CHPT1: variants seen among roughly 807,000 people sequenced by gnomAD.
CHPT1 encodes the protein choline phosphotransferase 1, also known as cholinephosphotransferase 1.
CHPT1 carries 36 observed loss-of-function variants against 47.6 expected under a neutral mutation model. The ratio of observed to expected loss-of-function variants is 0.76; its 90% CI spans 0.58 to 1.00. The LOEUF is 1.00. Among genes scored for constraint, CHPT1 ranks in the 50% least tolerant of loss-of-function variants. The probability of loss-of-function intolerance (pLI) is 0.00; values close to 1 mark genes in which losing one functional copy is unlikely to be tolerated. For missense variants in CHPT1, 458 were observed against 498.1 expected (o/e 0.92, Z 0.77); for synonymous variants, 194 against 186.3 (o/e 1.04, Z -0.33).
intron 7 of CHPT1, among the ~76,000 whole-genome samples, chr12:101,724,590 A>G (rs535182291): frequency 1.4e-4 from 22 of 152,342 alleles, no homozygotes; most frequent in African/African-American, 5.3e-4. Context: ...AGACAGTGCT[A>G]CTAAATACAG....
At chr12:101,703,221 G>A (rs1044095451) in intron 1 of CHPT1, among the ~76,000 whole-genome samples, 4 of 152,176 alleles carry the variant, frequency 2.6e-5, no homozygotes, top group South Asian at 2.1e-4. Context: ...TACAGTTGAT[G>A]TGGATGATAG....
intron 1 of CHPT1, among the ~76,000 whole-genome samples, chr12:101,700,818 G>A (rs573161432): frequency 6.6e-6 from 1 of 152,202 alleles, no homozygotes; most frequent in East Asian, 1.9e-4. Context: ...AGTAGTATAT[G>A]TTTTCATAAG....
At chr12:101,712,048 G>C (rs1271061977) in intron 1 of CHPT1, among the ~76,000 whole-genome samples, 1 of 148,376 alleles carries the variant, frequency 6.7e-6, no homozygotes, top group African/African-American at 2.4e-5. Flanking sequence ...TTCAAGACAG[G>C]GTCTCGCTCT....
In CHPT1 at chr12:101,697,958, C is replaced by G; in HGVS notation, c.97C>G (p.Arg33Gly). 1 of 1,552,740 alleles carries G rather than the reference C, an allele frequency of 6.4e-7. No homozygotes were observed. Among genetic ancestry groups the G allele is most frequent in the Non-Finnish European group, 8.6e-7 (1 of 1,160,024 alleles). The change falls in exon 1 of 9, where the codon CGC becomes GGC. Residue 33 changes from arginine (R) to glycine (G), a missense_variant. Arg to Gly is a moderately radical substitution (Grantham distance 125, BLOSUM62 -2). Coordinates refer to ENST00000229266, the MANE Select transcript of CHPT1 (RefSeq NM_020244.3). ...GCAGCTGCGGCGACTGGAGGAGCAC[C>G]GCTACAGCGCGGCGGGCGTCTCGCT... Reference protein sequence around the residue: ...AAQLRRLEEHRYSAAGVSLLE... With the variant: ...AAQLRRLEEHGYSAAGVSLLE...
At chr12:101,704,404 C>CTTT (rs762770896) in intron 1 of CHPT1, among the ~76,000 whole-genome samples, 2 of 140,088 alleles carry the variant, frequency 1.4e-5, no homozygotes, top group African/African-American at 2.6e-5. Flanking sequence ...TGCTATTTTT[C>CTTT]TTTTTTTTTT....
chr12:101,698,636 T>A (rs1227121327), intron 1 of CHPT1, among the ~76,000 whole-genome samples: 1 of 152,210 alleles, frequency 6.6e-6, no homozygotes, highest in Non-Finnish European at 1.5e-5. Flanking sequence ...GTAGCACTGA[T>A]CAAAGATGAG....
intron 8 of CHPT1, 157 bp downstream of exon 8, chr12:101,726,561 G>T (rs1951948753): frequency 2.7e-6 from 3 of 1,123,528 alleles, no homozygotes; most frequent in African/African-American, 1.5e-5. Flanking sequence ...ATTTCATTGT[G>T]TCTTATTTCA....
In CHPT1 at chr12:101,723,767, T is replaced by A; in HGVS notation, c.985T>A (p.Phe329Ile). 1 of 1,593,578 alleles carries A rather than the reference T, an allele frequency of 6.3e-7. No individual in the cohort carries two copies. The change falls in exon 7 of 9, where the codon TTT (phenylalanine) becomes ATT (isoleucine). Residue 329 changes from phenylalanine to isoleucine, a missense_variant. Physicochemically the swap from Phe to Ile is conservative, Grantham distance 21 (BLOSUM62 0). Coordinates refer to ENST00000229266, the MANE Select transcript of CHPT1 (RefSeq NM_020244.3). ...TGAACTATATCTTCAAGACACTGTC[T>A]TTTTGGGGCCAGGTCTTTTGTTTTT... ...KSELYLQDTVFLGPGLLFLDQ... is the reference protein window; with the variant it reads ...KSELYLQDTVILGPGLLFLDQ...
At chr12:101,728,831 A>G in intron 8 of CHPT1, 70 bp from the exon 9 acceptor site, 1 of 1,553,108 alleles carries the variant, frequency 6.4e-7, no homozygotes, top group South Asian at 1.1e-5. Flanking sequence ...TAAAGATGTT[A>G]CAATTAAACT....
chr12:101,697,916 G>A lies in CHPT1; in HGVS notation c.55G>A (p.Glu19Lys), dbSNP rs777698148. The A allele has an allele frequency of 1.4e-6, 2 of 1,423,312 alleles. No homozygotes were observed. The highest frequency in any genetic ancestry group is 1.8e-6 in the Non-Finnish European group (2 of 1,090,472). 88.2% of individuals were successfully genotyped at this position (1,423,312 alleles called of 1,614,324 possible). ...SAPRWLRALS[E>K]PLSAAQLRRL... ...GCCGCGCTGGCTGAGGGCGCTGAGC[G>A]AGCCGCTGAGCGCGGCGCAGCTGCG... is the stretch of plus-strand genomic sequence containing the variant. The change falls in exon 1 of 9, where the codon GAG becomes AAG. Residue 19 changes from glutamate (E) to lysine (K), a missense_variant. By Grantham distance (56) the Glu-to-Lys change is moderately conservative. Coordinates refer to ENST00000229266, the MANE Select transcript of CHPT1 (RefSeq NM_020244.3).
chr12:101,728,392 T>C (rs1952028438), intron 8 of CHPT1: 2 of 154,196 alleles, frequency 1.3e-5, no homozygotes, highest in African/African-American at 4.8e-5. Flanking sequence ...CAAATCCATG[T>C]CTTAAAACTG....
chr12:101,723,276 T>A lies in CHPT1; in HGVS notation c.889T>A (p.Tyr297Asn). The part of the protein sequence containing the change: ...TDVFEKHPCL[Y>N]ILMFGCVFAK... The stretch of plus-strand genomic sequence containing the variant: ...TGTGTTTGAAAAGCATCCTTGTCTT[T>A]ATATCCTAATGTTTGGATGTGTCTT... The change falls in exon 6 of 9, where the codon TAT (tyrosine) becomes AAT (asparagine). Residue 297 changes from tyrosine to asparagine, a missense_variant. Transcript: ENST00000229266. 6.2e-7 allele frequency: 1 copy of A among 1,612,394 alleles called. No homozygotes were observed. The highest frequency in any genetic ancestry group is 8.5e-7 in the Non-Finnish European group (1 of 1,178,770).
chr12:101,702,910 C>T (rs892447832), intron 1 of CHPT1, among the ~76,000 whole-genome samples: 1 of 152,100 alleles, frequency 6.6e-6, no homozygotes, highest in Non-Finnish European at 1.5e-5. Context: ...TGAATGTCTC[C>T]TTAACTTCTG....
At chr12:101,704,230 A>T (rs1396454360) in intron 1 of CHPT1, among the ~76,000 whole-genome samples, 1 of 151,766 alleles carries the variant, frequency 6.6e-6, no homozygotes, top group African/African-American at 2.4e-5. Flanking sequence ...CGTAATGAAC[A>T]TTGTATAGTT....
chr12:101,704,404 CTT>C (rs762770896), intron 1 of CHPT1, among the ~76,000 whole-genome samples: 9 of 140,042 alleles, frequency 6.4e-5, no homozygotes, highest in Non-Finnish European at 4.6e-5. Flanking sequence ...TGCTATTTTT[CTT>C]TTTTTTTTTT....
chr12:101,718,259 T>G lies in CHPT1; in HGVS notation c.648+1447T>G, dbSNP rs559636792. On this transcript the variant is annotated intron_variant, in intron 4 of 8. Coordinates refer to ENST00000229266, the MANE Select transcript of CHPT1 (RefSeq NM_020244.3). ...GTGTAACACCAAGATTGAACTCTAA[T>G]GTAAACTATGAACTTTGGGTGATAA... Among the ~76,000 whole-genome samples the G allele has an allele frequency of 2.0e-5, 3 of 152,328 alleles. No homozygotes were observed. The South Asian group carries it at 6.2e-4, about 32-fold the overall frequency.
intron 2 of CHPT1, 96 bp downstream of exon 2, chr12:101,714,333 G>C (rs1951734208): frequency 1.7e-6 from 2 of 1,202,144 alleles, no homozygotes; most frequent in Non-Finnish European, 2.3e-6. Flanking sequence ...ACATTTGGGA[G>C]CAAATGTATG....
chr12:101,722,011 A>T (rs1414345264), intron 5 of CHPT1, among the ~76,000 whole-genome samples: 2 of 152,050 alleles, frequency 1.3e-5, no homozygotes, highest in Non-Finnish European at 2.9e-5. Flanking sequence ...GTAAGGCAAG[A>T]TCATGCCACT....
At chr12:101,714,433 A>G (rs1951735636) in intron 2 of CHPT1, 71 bp from the exon 3 acceptor site, 5 of 1,349,968 alleles carry the variant, frequency 3.7e-6, no homozygotes, top group Non-Finnish European at 4.0e-6. Flanking sequence ...CTGTATTTCT[A>G]AACAGCATAG....
Sources: allele counts gnomAD v4.1 joint callset (sites outside exome capture counted in the v4.1 genomes callset), GRCh38; gene constraint gnomAD v4.1.1; transcripts MANE v1.5; gene names NCBI Gene and HGNC (gene_info 2026-07-23, HGNC 2026-07-21).